PNPLA7: variants seen among roughly 807,000 people sequenced by gnomAD.
The protein encoded by PNPLA7 is patatin-like phospholipase domain-containing protein 7.
A neutral mutation model predicts 161.7 loss-of-function variants in PNPLA7; 153 were observed. The observed-to-expected ratio is 0.95, with a 90% CI of 0.83 to 1.08. PNPLA7 has a LOEUF of 1.08. PNPLA7 is among the 50% of genes least tolerant of loss of function. The pLI is 0.00. For synonymous variants in PNPLA7, 809 were observed against 782.1 expected, an observed-to-expected ratio of 1.03 and a Z score of -0.57; for missense variants, 1,739 against 1,856.6, an observed-to-expected ratio of 0.94 and a Z score of 1.16.
intron 18 of PNPLA7, among the ~76,000 whole-genome samples, chr9:137,496,509 G>C (rs552128837): frequency 9.7e-4 from 148 of 151,940 alleles, no homozygotes; most frequent in African/African-American, 3.4e-3. Context: ...GTCGGGAGTT[G>C]GAGACCAGCC....
chr9:137,477,668 C>T (rs1202284902), intron 25 of PNPLA7, among the ~76,000 whole-genome samples: 1 of 152,250 alleles, frequency 6.6e-6, no homozygotes, highest in African/African-American at 2.4e-5. Context: ...TGGTCTCAAT[C>T]TCTTGACCTC....
chr9:137,519,420 C>A (rs1834867910), intron 11 of PNPLA7, among the ~76,000 whole-genome samples: 1 of 152,190 alleles, frequency 6.6e-6, no homozygotes, highest in Non-Finnish European at 1.5e-5. Flanking sequence ...AGGGAGAATT[C>A]TGGGAACAAC....
chr9:137,462,192 A>C lies in PNPLA7; in HGVS notation c.3632T>G (p.Phe1211Cys). 1 of 1,568,246 alleles carries C rather than the reference A, an allele frequency of 6.4e-7. No individual in the cohort carries two copies. Among genetic ancestry groups the C allele is most frequent in the Non-Finnish European group, 8.7e-7 (1 of 1,153,134 alleles). ...DSYSTLDFGK[F>C]NEICEVGYQH... Reference sequence around the variant, plus strand: ...GCCGGCACTCACGCAGATCTCGTTGAACTTGCCGAAGTCCAGGGTGCTGTA... The same window carrying C: ...GCCGGCACTCACGCAGATCTCGTTGCACTTGCCGAAGTCCAGGGTGCTGTA... The change falls in exon 31 of 35, where the codon TTC becomes TGC. Residue 1211 changes from phenylalanine (F) to cysteine (C), a missense_variant. Physicochemically the swap from Phe to Cys is radical, Grantham distance 205. Around this residue, in one of 6 missense-constraint regions of PNPLA7, gnomAD observed 703 missense variants for 694.6 expected, o/e 1.01. Transcript: ENST00000406427.
intron 12 of PNPLA7, among the ~76,000 whole-genome samples, chr9:137,514,278 CCCGGGCCCTGTGG>C (rs1834394735): frequency 6.9e-6 from 1 of 144,650 alleles, no homozygotes; most frequent in South Asian, 2.2e-4. Context: ...TGTTGAGATG[CCCGGGCCCTGTGG>C]CCGGGCTGTG....
At position 137,492,311 on chromosome 9, in the gene PNPLA7, T is replaced by C. The variant is rs560479602; in HGVS notation, c.2197+702A>G. 3.0e-6 allele frequency: 3 copies of C among 985,256 alleles called. No homozygotes were observed. The African/African-American group carries it at 5.2e-5, about 17-fold the overall frequency. 61.0% of individuals were successfully genotyped at this position (985,256 alleles called of 1,614,324 possible). On this transcript the variant is annotated intron_variant, in intron 20 of 34. Coordinates refer to ENST00000406427, the MANE Select transcript of PNPLA7 (RefSeq NM_001098537.3). ...ACCGTTTCCGGAGGTTTCACCCTGT[T>C]TCCTTTTTCCAATCAGCTGACAAAA... is the stretch of plus-strand genomic sequence containing the variant.
chr9:137,502,215 G>A (rs931229674), intron 14 of PNPLA7, among the ~76,000 whole-genome samples: 5 of 152,150 alleles, frequency 3.3e-5, no homozygotes, highest in Admixed American at 2.0e-4. Context: ...TGGACCCGGA[G>A]CCTGTGGAGA....
chr9:137,467,590 G>C lies in PNPLA7; in HGVS notation c.2883-117C>G. ...CTCCACAGGCAGAGACGCTGACGCA[G>C]AGAGGGACTCCAGATGCAGTTTAAA... is the stretch of plus-strand genomic sequence containing the variant. On this transcript the variant is annotated intron_variant, in intron 25 of 34. Transcript: ENST00000406427. This position sits in a 1 kb window ranked among gnomAD's most constrained non-coding sequence, Gnocchi z 5.1. 7.5e-7 allele frequency: 1 copy of C among 1,330,008 alleles called. No individual in the cohort carries two copies. Among genetic ancestry groups the C allele is most frequent in the South Asian group, 1.4e-5 (1 of 70,466 alleles). 82.4% of individuals were successfully genotyped at this position (1,330,008 alleles called of 1,614,324 possible). A position where few individuals can be genotyped will look rare whatever the true frequency, so the allele number is the denominator to read the frequency against.
chr9:137,477,934 G>T, intron 25 of PNPLA7, 100 bp downstream of exon 25: 1 of 1,013,542 alleles, frequency 9.9e-7, no homozygotes, highest in Non-Finnish European at 1.3e-6. Flanking sequence ...GTCTGCGGGT[G>T]ACACCCCCTG....
Position 137,524,250 on chromosome 9 carries a change from G to A in PNPLA7, c.748-1393C>T, listed in dbSNP as rs772163672. 1.3e-5 allele frequency among the ~76,000 whole-genome samples: 2 copies of A among 152,204 alleles called. No individual in the cohort carries two copies. The highest frequency in any genetic ancestry group is 2.9e-5 in the Non-Finnish European group (2 of 68,052). On this transcript the variant is annotated intron_variant, in intron 8 of 34. Transcript: ENST00000406427. The surrounding 1 kb of genome is among the most constrained non-coding windows in gnomAD (Gnocchi z 4.4). ...TGTGACACACTCGAGATTCCCCCAC[G>A]GTGGCATGTCTGACAGAGGTCTCTG...
In PNPLA7 at chr9:137,543,476, A is replaced by G; in HGVS notation, c.462T>C (p.Asn154=). The G allele has an allele frequency of 1.2e-6, 2 of 1,614,136 alleles. No individual in the cohort carries two copies. The highest frequency in any genetic ancestry group is 1.7e-6 in the Non-Finnish European group (2 of 1,180,028). The part of the protein sequence containing the change: ...EADLTEFDVK[N]SHLPSEVLYM... ...ACAGAACTTCCGATGGCAGGTGAGA[A>G]TTCTTCACGTCAAACTCCGTGAGGT... The change falls in exon 6 of 35, where the codon AAT becomes AAC. Residue 154 remains asparagine (N), a synonymous_variant. Transcript: ENST00000406427. This position sits in a 1 kb window ranked among gnomAD's most constrained non-coding sequence, Gnocchi z 6.9.
At chr9:137,536,395 C>T (rs1835890838) in intron 8 of PNPLA7, among the ~76,000 whole-genome samples, 1 of 151,956 alleles carries the variant, frequency 6.6e-6, no homozygotes, top group Non-Finnish European at 1.5e-5. Flanking sequence ...TGGGGAGGGT[C>T]CGACTGGGCA....
In PNPLA7 at chr9:137,547,417, G is replaced by A. The variant is rs376819907; in HGVS notation, c.106-21C>T. On this transcript the variant is annotated intron_variant, in intron 2 of 34. Transcript: ENST00000406427. This position sits in a 1 kb window ranked among gnomAD's most constrained non-coding sequence, Gnocchi z 4.6. The stretch of plus-strand genomic sequence containing the variant: ...GTCAGCTGGCCGAGAGTGGAAACAC[G>A]GCGCCCATCAGCAAAGCCACAAACC... The A allele has an allele frequency of 1.6e-4, 259 of 1,612,684 alleles. No individual in the cohort carries two copies. Among genetic ancestry groups the A allele is most frequent in the Non-Finnish European group, 2.0e-4 (235 of 1,179,576 alleles).
chr9:137,522,258 C>T (rs575237410), intron 9 of PNPLA7, among the ~76,000 whole-genome samples: 262 of 151,714 alleles, frequency 1.7e-3, no homozygotes, highest in Non-Finnish European at 3.1e-3. Flanking sequence ...GTATTTTTAG[C>T]AGAGACGGGG....
intron 21 of PNPLA7, among the ~76,000 whole-genome samples, chr9:137,484,190 T>A (rs902373302): frequency 1.3e-5 from 2 of 152,124 alleles, no homozygotes; most frequent in East Asian, 3.9e-4. Flanking sequence ...AGTGCTGGGA[T>A]TACAAGCATG....
chr9:137,464,091 C>G (rs1027803735), intron 28 of PNPLA7, 35 bp downstream of exon 28: 1 of 1,605,962 alleles, frequency 6.2e-7, no homozygotes, highest in Non-Finnish European at 8.5e-7. Context: ...ACACCTCGCA[C>G]CCAAGCGGCC....
chr9:137,543,841 C>T lies in PNPLA7; in HGVS notation c.274-26G>A. On this transcript the variant is annotated intron_variant, in intron 4 of 34. Transcript: ENST00000406427. This position sits in a 1 kb window ranked among gnomAD's most constrained non-coding sequence, Gnocchi z 6.9. ...CTGCAGAGCCAAGGGAGAGACCAGC[C>T]ACTGACCCTGCAAGCCGCAAGGTCC... The T allele has an allele frequency of 6.3e-7, 1 of 1,594,230 alleles. No homozygotes were observed. Among genetic ancestry groups the T allele is most frequent in the Non-Finnish European group, 8.6e-7 (1 of 1,162,600 alleles).
rs1448245086 is a variant in PNPLA7 at position 137,499,735 on chromosome 9, A to C, written c.1757+956T>G. Among the ~76,000 whole-genome samples the C allele has an allele frequency of 1.3e-5, 2 of 152,224 alleles. No homozygotes were observed. The highest frequency in any genetic ancestry group is 2.9e-5 in the Non-Finnish European group (2 of 68,036). The stretch of plus-strand genomic sequence containing the variant: ...GCCCGGCTCGGGGTCCCCAGGCTGA[A>C]GCAGCAACGGCGCGGTGCCATTTGC... On this transcript the variant is annotated intron_variant, in intron 16 of 34. Transcript: ENST00000406427. The surrounding 1 kb of genome is among the most constrained non-coding windows in gnomAD (Gnocchi z 5.5).
chr9:137,532,943 G>A (rs911794838), intron 8 of PNPLA7, among the ~76,000 whole-genome samples: 1 of 152,076 alleles, frequency 6.6e-6, no homozygotes, highest in African/African-American at 2.4e-5. Flanking sequence ...CTCCAGACGG[G>A]AACACTCCCA....
chr9:137,526,807 A>G (rs1028882335), intron 8 of PNPLA7, among the ~76,000 whole-genome samples: 7 of 152,262 alleles, frequency 4.6e-5, no homozygotes, highest in Admixed American at 4.6e-4. Context: ...TTGATAAACC[A>G]TAAGTTCTAG....
Sources: gnomAD v4.1 joint callset for allele counts (sites outside exome capture counted in the v4.1 genomes callset) on GRCh38, gnomAD v4.1.1 for gene constraint, gnomAD v4.1.1 regional missense constraint, Gnocchi (gnomAD v3.1) non-coding constraint, MANE v1.5 for transcripts, NCBI Gene and HGNC (gene_info 2026-07-23, HGNC 2026-07-21) for gene names.